The following SLC23A2 variants were observed in gnomAD, a reference collection of about 807,000 sequenced individuals.
SLC23A2 encodes Na(+)/L-ascorbic acid transporter 2.
In SLC23A2, 36 loss-of-function variants were observed where a neutral mutation model predicts 73.3. That is an observed-to-expected ratio of 0.49 (90% CI 0.38 to 0.65). The LOEUF (loss-of-function observed/expected upper bound fraction) is 0.65. Among genes scored for constraint, SLC23A2 ranks in the 30% least tolerant of loss-of-function variants. SLC23A2 has a pLI of 0.00. For synonymous variants in SLC23A2, 343 were observed against 327.3 expected (o/e 1.05, Z -0.52); for missense variants, 507 against 841.6 (o/e 0.60, Z 4.92).
Position 4,899,142 on chromosome 20 carries a change from G to A in SLC23A2, c.482+413C>T, listed in dbSNP as rs935457674. Among the ~76,000 whole-genome samples, 3 of 152,194 alleles carry A rather than the reference G, an allele frequency of 2.0e-5. No individual in the cohort carries two copies. Among genetic ancestry groups the A allele is most frequent in the Non-Finnish European group, 4.4e-5 (3 of 68,024 alleles). On this transcript the variant is annotated intron_variant, in intron 6 of 16. Transcript: ENST00000338244. This position sits in a 1 kb window ranked among gnomAD's most constrained non-coding sequence, Gnocchi z 4.9. ...TGTGGCTCACCCTGAGGAGGGTGTG[G>A]AAGTAGAAAGATGGCACTGGGTGTG...
intron 7 of SLC23A2, 33 bp downstream of exon 7, chr20:4,885,788 C>T: frequency 6.9e-7 from 1 of 1,452,526 alleles, no homozygotes; most frequent in Non-Finnish European, 9.7e-7. Flanking sequence ...ATTAAAGGAC[C>T]CCAATGACAT....
chr20:4,955,356 AACACACACACACACACACAC>A (rs71197734), intron 2 of SLC23A2, among the ~76,000 whole-genome samples: 4 of 144,716 alleles, frequency 2.8e-5, no homozygotes, highest in Admixed American at 6.9e-5. Context: ...AATGAGTTAA[AACACACACACACACACACAC>A]ACACACACAC....
At chr20:4,880,616 A>T (rs1568607556) in intron 9 of SLC23A2, among the ~76,000 whole-genome samples, 1 of 152,146 alleles carries the variant, frequency 6.6e-6, no homozygotes, top group Non-Finnish European at 1.5e-5. Context: ...AAGAGATAGA[A>T]AACAGGAGAG....
At chr20:4,912,105 A>G (rs1932176630) in intron 4 of SLC23A2, among the ~76,000 whole-genome samples, 1 of 149,920 alleles carries the variant, frequency 6.7e-6, no homozygotes, top group Admixed American at 6.7e-5. Context: ...TCAGCCTCCC[A>G]AAGTATTGGG....
At chr20:4,973,073 C>T (rs1262616328) in intron 1 of SLC23A2, among the ~76,000 whole-genome samples, 2 of 152,066 alleles carry the variant, frequency 1.3e-5, no homozygotes, top group South Asian at 2.1e-4. Flanking sequence ...ACAGGTTGTA[C>T]AATATGTGTG....
At chr20:4,900,923 C>A (rs943317021) in intron 5 of SLC23A2, among the ~76,000 whole-genome samples, 22 of 152,232 alleles carry the variant, frequency 1.4e-4, no homozygotes, top group African/African-American at 4.8e-4. Context: ...CCATGAAGCC[C>A]GACTGTAAAG....
At chr20:4,970,664 T>C (rs2087546585) in intron 2 of SLC23A2, 129 bp downstream of exon 2, 1 of 152,148 alleles carries the variant, frequency 6.6e-6, no homozygotes, top group Admixed American at 6.6e-5. Flanking sequence ...ATAAGCCCAG[T>C]AGGCCAAGGC....
chr20:4,976,028 T>C (rs2122242579), intron 1 of SLC23A2, among the ~76,000 whole-genome samples: 1 of 151,874 alleles, frequency 6.6e-6, no homozygotes, highest in Non-Finnish European at 1.5e-5. Flanking sequence ...TAATTTTTTA[T>C]ATTTTTAGTA....
chr20:4,966,891 C>T (rs1933321947), intron 2 of SLC23A2, among the ~76,000 whole-genome samples: 1 of 150,818 alleles, frequency 6.6e-6, no homozygotes, highest in African/African-American at 2.4e-5. Flanking sequence ...TCAAAGACAA[C>T]CCTATTATTA....
chr20:4,915,165 G>A (rs1359937850), intron 3 of SLC23A2, among the ~76,000 whole-genome samples: 1 of 152,110 alleles, frequency 6.6e-6, no homozygotes, highest in Non-Finnish European at 1.5e-5. Context: ...CCCACCACTT[G>A]TCTAAAAAGG....
Position 4,862,423 on chromosome 20 carries a change from T to C in SLC23A2, c.1487-338A>G, listed in dbSNP as rs1930003435. The stretch of plus-strand genomic sequence containing the variant: ...TACCTAAATATCTGGTGCATGTCTC[T>C]GGTTATTACAGCTAAATGGTGCAGA... On this transcript the variant is annotated intron_variant, in intron 14 of 16. Transcript: ENST00000338244. This position sits in a 1 kb window ranked among gnomAD's most constrained non-coding sequence, Gnocchi z 5.1. Among the ~76,000 whole-genome samples, 1 of 152,236 alleles carries C rather than the reference T, an allele frequency of 6.6e-6. No homozygotes were observed. The highest frequency in any genetic ancestry group is 1.5e-5 in the Non-Finnish European group (1 of 68,036).
chr20:4,860,561 C>T (rs879792203), intron 15 of SLC23A2, among the ~76,000 whole-genome samples: 4 of 152,156 alleles, frequency 2.6e-5, no homozygotes, highest in Admixed American at 2.6e-4. Flanking sequence ...AGCAATGGTT[C>T]AGTATTTGCT....
chr20:4,908,921 A>C (rs1314743395), intron 4 of SLC23A2, among the ~76,000 whole-genome samples: 3 of 152,226 alleles, frequency 2.0e-5, no homozygotes, highest in South Asian at 2.1e-4. Context: ...ATGACAGAGC[A>C]AGACTATCTC....
intron 2 of SLC23A2, among the ~76,000 whole-genome samples, chr20:4,944,111 T>G (rs1382091235): frequency 6.6e-6 from 1 of 152,222 alleles, no homozygotes; most frequent in Non-Finnish European, 1.5e-5. Context: ...ATGTAAACAC[T>G]ATCGCAATAA....
intron 3 of SLC23A2, among the ~76,000 whole-genome samples, chr20:4,926,042 T>A: frequency 6.6e-6 from 1 of 152,188 alleles, no homozygotes; most frequent in Non-Finnish European, 1.5e-5. Context: ...ATTTAATCAA[T>A]GGAGGAACGT....
At chr20:4,981,538 T>C (rs540981834) in intron 1 of SLC23A2, among the ~76,000 whole-genome samples, 9 of 152,270 alleles carry the variant, frequency 5.9e-5, no homozygotes, top group African/African-American at 2.2e-4. Flanking sequence ...TTTTTTAAAG[T>C]TTCCCAGGTG....
chr20:4,901,577 G>A (rs1411776889), intron 5 of SLC23A2, among the ~76,000 whole-genome samples: 1 of 152,128 alleles, frequency 6.6e-6, no homozygotes, highest in East Asian at 1.9e-4. Context: ...AAAGACGCCG[G>A]AGGCCTCCAT....
chr20:5,009,696 A>C (rs1187163342), intron 1 of SLC23A2, among the ~76,000 whole-genome samples: 3 of 152,144 alleles, frequency 2.0e-5, no homozygotes, highest in Non-Finnish European at 4.4e-5. Context: ...GTGAAATGCG[A>C]AGGGAAAGAA....
chr20:4,977,485 G>C (rs144015304), intron 1 of SLC23A2, among the ~76,000 whole-genome samples: 2,644 of 151,804 alleles, frequency 0.017, 67 homozygotes, highest in African/African-American at 0.054. Flanking sequence ...TCAGGAGTTC[G>C]AGACCAGCCT....
Sources: allele counts gnomAD v4.1 joint callset (sites outside exome capture counted in the v4.1 genomes callset), GRCh38; gene constraint gnomAD v4.1.1; non-coding constraint Gnocchi (gnomAD v3.1); transcripts MANE v1.5; gene names NCBI Gene and HGNC (gene_info 2026-07-23, HGNC 2026-07-21).